Variants in INPP5A observed in about 807,000 individuals in gnomAD.
The protein encoded by INPP5A is 43 kDa inositol polyphosphate 5-phophatase.
Under a neutral mutation model 65.2 loss-of-function variants are expected in INPP5A, and 14 were observed. That is an observed-to-expected ratio of 0.21 (90% CI 0.14 to 0.34). INPP5A has a LOEUF of 0.34. INPP5A is among the 10% of genes least tolerant of loss of function. INPP5A has a pLI of 1.00. For synonymous variants in INPP5A, 207 were observed against 208.3 expected (o/e 0.99, Z 0.05); for missense variants, 431 against 545.6 (o/e 0.79, Z 2.09).
intron 8 of INPP5A, among the ~76,000 whole-genome samples, chr10:132,722,618 T>C (rs1174035727): frequency 6.6e-6 from 1 of 152,144 alleles, no homozygotes; most frequent in Admixed American, 6.5e-5. Context: ...GTCTTTAATC[T>C]GCGGTGTCGT....
At chr10:132,744,153 G>A (rs1366078015) in intron 9 of INPP5A, among the ~76,000 whole-genome samples, 1 of 152,258 alleles carries the variant, frequency 6.6e-6, no homozygotes, top group African/African-American at 2.4e-5. Context: ...CTGAGGGGCT[G>A]GGAGTCGTAG....
At chr10:132,673,353 C>T (rs2072918702) in intron 4 of INPP5A, among the ~76,000 whole-genome samples, 1 of 152,146 alleles carries the variant, frequency 6.6e-6, no homozygotes, top group Non-Finnish European at 1.5e-5. Context: ...TGAGTGGTGC[C>T]ACTTCCACTT....
intron 1 of INPP5A, among the ~76,000 whole-genome samples, chr10:132,559,980 G>T (rs1490892411): frequency 6.6e-6 from 1 of 152,248 alleles, no homozygotes; most frequent in Non-Finnish European, 1.5e-5. Context: ...TGGGGTTGCT[G>T]TGTGAACATG....
rs534396947 is a variant in INPP5A at position 132,720,012 on chromosome 10, G to A, written c.648-6809G>A. The stretch of plus-strand genomic sequence containing the variant: ...CTGTCTTCAGGGTTCTGTGGTGCCT[G>A]GGTTCTGTCTGGGCGCCTTAGACGG... On this transcript the variant is annotated intron_variant, in intron 8 of 15. Transcript: ENST00000368594. Among the ~76,000 whole-genome samples the A allele has an allele frequency of 9.9e-5, 15 of 150,918 alleles. No homozygotes were observed. In the East Asian group the frequency reaches 1.6e-3, roughly 16 times the overall value.
chr10:132,580,441 C>G (rs1299678421), intron 1 of INPP5A, among the ~76,000 whole-genome samples: 1 of 152,296 alleles, frequency 6.6e-6, no homozygotes, highest in East Asian at 1.9e-4. Context: ...CTGAGGCCTC[C>G]CAGCCATGTT....
At chr10:132,700,586 G>A (rs1845420946) in intron 6 of INPP5A, among the ~76,000 whole-genome samples, 2 of 152,314 alleles carry the variant, frequency 1.3e-5, no homozygotes, top group Non-Finnish European at 2.9e-5. Context: ...GCTGGAGGGA[G>A]GAAGGAGGAG....
intron 1 of INPP5A, among the ~76,000 whole-genome samples, chr10:132,580,185 C>T (rs1452542439): frequency 6.6e-6 from 1 of 152,148 alleles, no homozygotes; most frequent in East Asian, 1.9e-4. Context: ...TGCTGGGTCC[C>T]TGATATGGTT....
At chr10:132,713,910 G>A (rs1271356246) in intron 8 of INPP5A, among the ~76,000 whole-genome samples, 1 of 152,150 alleles carries the variant, frequency 6.6e-6, no homozygotes, top group Non-Finnish European at 1.5e-5. Flanking sequence ...ACTGATGACC[G>A]CCTGTGCCCT....
At chr10:132,720,384 G>T (rs1845846223) in intron 8 of INPP5A, among the ~76,000 whole-genome samples, 1 of 146,386 alleles carries the variant, frequency 6.8e-6, no homozygotes, top group Non-Finnish European at 1.5e-5. Flanking sequence ...TTCTGTCTGG[G>T]CACCTTAGAC....
chr10:132,778,452 G>C (rs1847101762), intron 13 of INPP5A, among the ~76,000 whole-genome samples: 1 of 151,830 alleles, frequency 6.6e-6, no homozygotes, highest in Non-Finnish European at 1.5e-5. Context: ...AGGAGCCACT[G>C]CACCCGGTCA....
intron 8 of INPP5A, among the ~76,000 whole-genome samples, chr10:132,720,180 A>C (rs1354568049): frequency 9.4e-6 from 1 of 106,396 alleles, no homozygotes; most frequent in Middle Eastern, 7.6e-3. Flanking sequence ...CTGTCTGGGC[A>C]CCTTAGACGG....
At chr10:132,671,800 A>C (rs938720708) in intron 4 of INPP5A, among the ~76,000 whole-genome samples, 2 of 152,216 alleles carry the variant, frequency 1.3e-5, no homozygotes, top group African/African-American at 4.8e-5. Context: ...AGAGATGTTG[A>C]GGCACAGAGA....
rs2070953446 is a variant in INPP5A, at chr10:132,545,158, C to A, written c.75+6987C>A. On this transcript the variant is annotated intron_variant, in intron 1 of 15. Coordinates refer to ENST00000368594, the MANE Select transcript of INPP5A (RefSeq NM_005539.5). This position sits in a 1 kb window ranked among gnomAD's most constrained non-coding sequence, Gnocchi z 4.6. ...AGGTGGAGCAGGGCAGAGGGCCCCG[C>A]ACGGCTCTGGGATGGCTGTGCTCGG... 6.6e-6 allele frequency among the ~76,000 whole-genome samples: 1 copy of A among 151,826 alleles called. No homozygotes were observed. Among genetic ancestry groups the A allele is most frequent in the South Asian group, 2.1e-4 (1 of 4,766 alleles).
At chr10:132,708,729 T>C (rs1434814027) in intron 7 of INPP5A, among the ~76,000 whole-genome samples, 1 of 152,230 alleles carries the variant, frequency 6.6e-6, no homozygotes, top group Non-Finnish European at 1.5e-5. Flanking sequence ...GCGTAAGCGC[T>C]GCCTGGCAGC....
rs1455531241 is a variant in INPP5A, at chr10:132,655,211, C to T, written c.306+4706C>T. ...CGGTCTGTGTGCCTCATCCCTGAAG[C>T]GCCTTTGTCAGAGCCCTTGCTCCTG... On this transcript the variant is annotated intron_variant, in intron 4 of 15. Coordinates refer to ENST00000368594, the MANE Select transcript of INPP5A (RefSeq NM_005539.5). Among the ~76,000 whole-genome samples, 5 of 152,226 alleles carry T rather than the reference C, an allele frequency of 3.3e-5. No individual in the cohort carries two copies. The South Asian group carries it at 6.2e-4, about 19-fold the overall frequency.
chr10:132,610,699 C>T (rs2071934257), intron 2 of INPP5A, among the ~76,000 whole-genome samples: 1 of 152,246 alleles, frequency 6.6e-6, no homozygotes, highest in African/African-American at 2.4e-5. Context: ...CCCACTGATG[C>T]TCAGGCACCC....
Position 132,560,056 on chromosome 10 carries a change from C to A in INPP5A, c.75+21885C>A, listed in dbSNP as rs188616437. ...GCTGTGTGAACATGTGTCTCCAGCT[C>A]TTTCGGGTGTAGACCTGCTTGTGGA... On this transcript the variant is annotated intron_variant, in intron 1 of 15. Coordinates refer to ENST00000368594, the MANE Select transcript of INPP5A (RefSeq NM_005539.5). Among the ~76,000 whole-genome samples the A allele has an allele frequency of 1.1e-4, 16 of 149,202 alleles. No homozygotes were observed. The East Asian group carries it at 3.0e-3, about 28-fold the overall frequency.
rs990651136 is a variant in INPP5A, at chr10:132,704,515, G to A, written c.475-3798G>A. Reference sequence around the variant, plus strand: ...CTGCTGGTGCGCAGAGCCACCCCTCGCAGCCCGCCGGCAACATGGGCTCTG... The same window carrying A: ...CTGCTGGTGCGCAGAGCCACCCCTCACAGCCCGCCGGCAACATGGGCTCTG... On this transcript the variant is annotated intron_variant, in intron 6 of 15. Transcript: ENST00000368594. The surrounding 1 kb of genome is among the most constrained non-coding windows in gnomAD (Gnocchi z 4.5). Among the ~76,000 whole-genome samples, 4 of 152,224 alleles carry A rather than the reference G, an allele frequency of 2.6e-5. No homozygotes were observed. Among genetic ancestry groups the A allele is most frequent in the African/African-American group, 4.8e-5 (2 of 41,464 alleles).
intron 4 of INPP5A, among the ~76,000 whole-genome samples, chr10:132,664,138 C>G (rs1435068930): frequency 6.6e-6 from 1 of 152,210 alleles, no homozygotes; most frequent in African/African-American, 2.4e-5. Context: ...TTGTTCTGTT[C>G]ATTTGGCCTC....
Sources: allele counts gnomAD v4.1 joint callset (sites outside exome capture counted in the v4.1 genomes callset), GRCh38; gene constraint gnomAD v4.1.1; non-coding constraint Gnocchi (gnomAD v3.1); transcripts MANE v1.5; gene names NCBI Gene and HGNC (gene_info 2026-07-23, HGNC 2026-07-21).